The following MLLT3 variants were observed in gnomAD, a reference collection of about 807,000 sequenced individuals.
The protein encoded by MLLT3 is MLLT3 super elongation complex subunit, also known as protein AF-9.
In MLLT3, 4 loss-of-function variants were observed where a neutral mutation model predicts 53.2. The ratio of observed to expected loss-of-function variants is 0.08; its 90% CI spans 0.04 to 0.17. The LOEUF is 0.17. Among genes scored for constraint, MLLT3 ranks in the 10% least tolerant of loss-of-function variants. The pLI is 1.00. For missense variants in MLLT3, 569 were observed against 684.0 expected (o/e 0.83, Z 1.87); for synonymous variants, 283 against 230.6 (o/e 1.23, Z -2.06).
Position 20,413,743 on chromosome 9 carries a change from T to C in MLLT3, c.1103A>G (p.Glu368Gly), listed in dbSNP as rs756154143. The part of the protein sequence containing the change: ...IVDPNDSDVE[E>G]NISSKSDSEQ... Reference sequence around the variant, plus strand: ...CACATCAGATTTAGAGGATATATTCTCCTCCACATCTGAATCATTGGGATC... The same window carrying C: ...CACATCAGATTTAGAGGATATATTCCCCTCCACATCTGAATCATTGGGATC... Residue 368 changes from glutamate to glycine, a missense_variant, in exon 5 of 11, where the codon GAG becomes GGG. Physicochemically the swap from Glu to Gly is moderately conservative, Grantham distance 98 (BLOSUM62 -2). Coordinates refer to ENST00000380338, the MANE Select transcript of MLLT3 (RefSeq NM_004529.4). 6.2e-7 allele frequency: 1 copy of C among 1,607,010 alleles called. No homozygotes were observed. Among genetic ancestry groups the C allele is most frequent in the Admixed American group, 1.7e-5 (1 of 58,766 alleles).
chr9:20,560,122 A>G (rs1409287065), intron 2 of MLLT3, among the ~76,000 whole-genome samples: 1 of 152,184 alleles, frequency 6.6e-6, no homozygotes, highest in Non-Finnish European at 1.5e-5. Context: ...TGACATAGAA[A>G]TTCATTACTG....
intron 4 of MLLT3, among the ~76,000 whole-genome samples, chr9:20,437,852 T>A (rs1823444506): frequency 6.6e-6 from 1 of 152,188 alleles, no homozygotes; most frequent in South Asian, 2.1e-4. Flanking sequence ...AATAAATAAC[T>A]ATCTTTTGTG....
Position 20,354,876 on chromosome 9 carries a change from G to T in MLLT3, c.1435C>A (p.Leu479Ile), listed in dbSNP as rs750143311. The T allele has an allele frequency of 8.1e-6, 13 of 1,609,514 alleles. No homozygotes were observed. The Admixed American group carries it at 2.2e-4, about 27-fold the overall frequency. ...PLLKTNNNQI[L>I]EVKSPIKQSK... ...TGCTTTATTGGACTTTTCACTTCAA[G>T]AATCTAGGGATCAAAGAGAACGCTG... The change falls in exon 9 of 11, where the codon CTT becomes ATT. Residue 479 changes from leucine (L) to isoleucine (I), a missense_variant. Leu to Ile is a conservative substitution (Grantham distance 5, BLOSUM62 2). Around this residue, in one of 5 missense-constraint regions of MLLT3, gnomAD observed 437 missense variants for 376.5 expected, o/e 1.16. Transcript: ENST00000380338.
chr9:20,563,112 CAAG>C (rs1563818975), intron 2 of MLLT3, among the ~76,000 whole-genome samples: 2 of 152,042 alleles, frequency 1.3e-5, no homozygotes, highest in African/African-American at 4.8e-5. Context: ...GGAAAGTTTC[CAAG>C]AAGCACACTA....
rs199730944 is a variant in MLLT3 at position 20,588,237 on chromosome 9, G to T, written c.193+32417C>A. Among the ~76,000 whole-genome samples, 1,326 of 149,284 alleles carry T rather than the reference G, an allele frequency of 8.9e-3. 17 individuals carry two copies. The highest frequency in any genetic ancestry group is 0.072 in the East Asian group (327 of 4,518). On this transcript the variant is annotated intron_variant, in intron 2 of 10. Transcript: ENST00000380338. ...GGTACCAGTACCATGCTGTTTTGGT[G>T]ACTGTAGCCTTGTAGTATAGTTTGA...
intron 5 of MLLT3, among the ~76,000 whole-genome samples, chr9:20,380,541 T>A (rs1022256695): frequency 1.3e-5 from 2 of 152,058 alleles, no homozygotes; most frequent in African/African-American, 4.8e-5. Flanking sequence ...CAAACCTTAC[T>A]ATCCACACAC....
intron 4 of MLLT3, among the ~76,000 whole-genome samples, chr9:20,432,066 T>G (rs1307690291): frequency 1.3e-5 from 2 of 152,186 alleles, no homozygotes; most frequent in African/African-American, 4.8e-5. Flanking sequence ...AACATTTTTA[T>G]TATAAGAAAA....
At chr9:20,573,272 A>G (rs975660788) in intron 2 of MLLT3, among the ~76,000 whole-genome samples, 2 of 150,982 alleles carry the variant, frequency 1.3e-5, no homozygotes, top group Non-Finnish European at 2.9e-5. Flanking sequence ...CTCAAATTCC[A>G]GGGCTGAAGT....
Position 20,456,833 on chromosome 9 carries a change from A to G in MLLT3, c.194-47T>C, listed in dbSNP as rs529829649. On this transcript the variant is annotated intron_variant, in intron 2 of 10. Transcript: ENST00000380338. ...TAGGTAAGATGAGAATAATAGACAA[A>G]AAGACATTCTTCTTTTAAAAAAAAA... The G allele has an allele frequency of 2.2e-6, 3 of 1,348,056 alleles. No individual in the cohort carries two copies. The South Asian group carries it at 3.9e-5, about 17-fold the overall frequency. The allele number at this position is 1,348,056 out of a possible 1,614,324, so 83.5% of individuals were successfully genotyped here. A position where few individuals can be genotyped will look rare whatever the true frequency, so the allele number is the denominator to read the frequency against.
At chr9:20,462,463 C>G (rs139048152) in intron 2 of MLLT3, among the ~76,000 whole-genome samples, 36 of 152,144 alleles carry the variant, frequency 2.4e-4, no homozygotes, top group East Asian at 7.7e-4. Flanking sequence ...ACTGTAGCCA[C>G]CCAATATAAC....
rs567313677 is a variant in MLLT3, at chr9:20,420,733, A to G, written c.421-6308T>C. On this transcript the variant is annotated intron_variant, in intron 4 of 10. Coordinates refer to ENST00000380338, the MANE Select transcript of MLLT3 (RefSeq NM_004529.4). ...TTTTATACTTGAAGTTCTAGGGTACATGTGCACAACGCGCAGGTTTGTTAC... is the reference window on the plus strand; with the variant it reads ...TTTTATACTTGAAGTTCTAGGGTACGTGTGCACAACGCGCAGGTTTGTTAC... Among the ~76,000 whole-genome samples, 127 of 152,262 alleles carry G rather than the reference A, an allele frequency of 8.3e-4. 1 individual carries two copies. Among genetic ancestry groups the G allele is most frequent in the Admixed American group, 1.4e-3 (22 of 15,298 alleles).
chr9:20,485,354 T>C (rs1413108112), intron 2 of MLLT3, among the ~76,000 whole-genome samples: 1 of 152,248 alleles, frequency 6.6e-6, no homozygotes, highest in Non-Finnish European at 1.5e-5. Flanking sequence ...AGTTTTATTT[T>C]ACATGTAAAA....
chr9:20,541,073 A>G (rs988392841), intron 2 of MLLT3, among the ~76,000 whole-genome samples: 1 of 152,170 alleles, frequency 6.6e-6, no homozygotes, highest in Non-Finnish European at 1.5e-5. Flanking sequence ...GTAAAATGCC[A>G]CCAGCCTTTT....
chr9:20,586,369 T>C (rs1356953912), intron 2 of MLLT3, among the ~76,000 whole-genome samples: 2 of 143,292 alleles, frequency 1.4e-5, no homozygotes, highest in Non-Finnish European at 3.1e-5. Flanking sequence ...ACTGACATAA[T>C]CAGGAAATCA....
intron 2 of MLLT3, among the ~76,000 whole-genome samples, chr9:20,479,931 G>C (rs1202087648): frequency 6.6e-6 from 1 of 152,152 alleles, no homozygotes; most frequent in Non-Finnish European, 1.5e-5. Context: ...AGTGTAAGTA[G>C]AAATTACCTA....
At chr9:20,471,217 A>AT (rs549524593) in intron 2 of MLLT3, among the ~76,000 whole-genome samples, 1 of 152,118 alleles carries the variant, frequency 6.6e-6, no homozygotes, top group Non-Finnish European at 1.5e-5. Context: ...TATGAAAAGT[A>AT]TTTTTTTCTT....
intron 2 of MLLT3, among the ~76,000 whole-genome samples, chr9:20,565,830 G>A (rs930662636): frequency 6.7e-6 from 1 of 148,270 alleles, no homozygotes; most frequent in East Asian, 2.0e-4. Context: ...TCTGTCCATC[G>A]TGGGCACATT....
chr9:20,465,464 CA>C (rs1341220199), intron 2 of MLLT3, among the ~76,000 whole-genome samples: 25 of 150,028 alleles, frequency 1.7e-4, no homozygotes, highest in African/African-American at 5.9e-4. Context: ...ATGCAGAGGA[CA>C]ACAAAATTGT....
At chr9:20,347,724 G>C (rs1054402933) in intron 10 of MLLT3, among the ~76,000 whole-genome samples, 9 of 152,134 alleles carry the variant, frequency 5.9e-5, no homozygotes, top group African/African-American at 2.2e-4. Flanking sequence ...TTTGCACAGA[G>C]TAAACAGCTG....
Sources: gnomAD v4.1 joint callset for allele counts (sites outside exome capture counted in the v4.1 genomes callset) on GRCh38, gnomAD v4.1.1 for gene constraint, gnomAD v4.1.1 regional missense constraint, MANE v1.5 for transcripts, NCBI Gene and HGNC (gene_info 2026-07-23, HGNC 2026-07-21) for gene names.